The following SMAD6 variants were observed in gnomAD, a reference collection of about 807,000 sequenced individuals.
SMAD6 encodes the protein SMAD family member 6.
A neutral mutation model predicts 39.4 loss-of-function variants in SMAD6; 103 were observed. That is an observed-to-expected ratio of 2.62 (90% CI 2.23 to 3.08). The LOEUF (loss-of-function observed/expected upper bound fraction) is 3.08, where lower values mean the gene tolerates loss of function less well. Among genes scored for constraint, SMAD6 ranks in the 30% most tolerant of loss-of-function variants. The probability of loss-of-function intolerance (pLI) is 0.00; values close to 1 mark genes in which losing one functional copy is unlikely to be tolerated. For synonymous variants in SMAD6, 445 were observed against 353.3 expected (o/e 1.26, Z -2.91); for missense variants, 1,104 against 742.9 (o/e 1.49, Z -5.65).
intron 3 of SMAD6, among the ~76,000 whole-genome samples, chr15:66,767,294 C>T (rs1894304456): frequency 6.6e-6 from 1 of 152,198 alleles, no homozygotes; most frequent in Non-Finnish European, 1.5e-5. Flanking sequence ...GAACTGCCTT[C>T]TTGGCATGGG....
chr15:66,780,972 G>T, intron 3 of SMAD6, 25 bp from the exon 4 acceptor site: 1 of 1,527,900 alleles, frequency 6.5e-7, no homozygotes, highest in Non-Finnish European at 8.8e-7. Context: ...AGAATAACGC[G>T]GCGGTCCCTG....
chr15:66,774,226 G>A (rs1456428080), intron 3 of SMAD6, among the ~76,000 whole-genome samples: 5 of 152,194 alleles, frequency 3.3e-5, no homozygotes, highest in South Asian at 2.1e-4. Context: ...TGCAGCCCAC[G>A]GGGGAGCACA....
chr15:66,705,510 T>C (rs909732162), intron 1 of SMAD6: 1 of 151,504 alleles, frequency 6.6e-6, no homozygotes, highest in African/African-American at 2.4e-5. Flanking sequence ...GCCAACTGAC[T>C]CCCCACTGCC....
chr15:66,771,583 C>T (rs1190143770), intron 3 of SMAD6, among the ~76,000 whole-genome samples: 3 of 152,122 alleles, frequency 2.0e-5, no homozygotes, highest in Non-Finnish European at 4.4e-5. Flanking sequence ...ACCCCTCCTG[C>T]GACTGGGGGA....
At chr15:66,751,166 ATTC>A (rs1893999277) in intron 3 of SMAD6, among the ~76,000 whole-genome samples, 3 of 152,150 alleles carry the variant, frequency 2.0e-5, no homozygotes, top group African/African-American at 7.2e-5. Flanking sequence ...GTTGAGCCTT[ATTC>A]TGCAGGAAGT....
rs779599084 is a variant in SMAD6 at position 66,781,285 on chromosome 15, C to A, written c.1241C>A (p.Ser414Tyr). ...GGCGAGCACCCCATCTTCGTCAACT[C>A]CCCGACGCTGGACGCGCCCGGCGGC... ...NRGEHPIFVN[S>Y]PTLDAPGGRA... Residue 414 changes from serine to tyrosine, a missense_variant, in exon 4 of 4, where the codon TCC (serine) becomes TAC (tyrosine). Physicochemically the swap from Ser to Tyr is moderately radical, Grantham distance 144. Transcript: ENST00000288840. The A allele has an allele frequency of 1.9e-6, 3 of 1,605,630 alleles. No individual in the cohort carries two copies. Among genetic ancestry groups the A allele is most frequent in the African/African-American group, 1.3e-5 (1 of 74,962 alleles).
intron 3 of SMAD6, among the ~76,000 whole-genome samples, chr15:66,736,001 T>C (rs1893706450): frequency 2.0e-5 from 3 of 152,216 alleles, no homozygotes; most frequent in African/African-American, 7.2e-5. Flanking sequence ...CTTTTGGTGA[T>C]GCTTGAAATT....
At chr15:66,722,843 C>T (rs1328873200) in intron 3 of SMAD6, among the ~76,000 whole-genome samples, 7 of 152,120 alleles carry the variant, frequency 4.6e-5, no homozygotes. Context: ...GAGGGCCCAG[C>T]CAACCTGTGT....
intron 3 of SMAD6, among the ~76,000 whole-genome samples, chr15:66,723,402 C>T (rs943378115): frequency 3.9e-5 from 6 of 152,188 alleles, no homozygotes; most frequent in Non-Finnish European, 5.9e-5. Flanking sequence ...TCAGAACTTA[C>T]TGCAGCTGGG....
chr15:66,738,439 G>C (rs761629788), intron 3 of SMAD6, among the ~76,000 whole-genome samples: 1 of 152,198 alleles, frequency 6.6e-6, no homozygotes, highest in Non-Finnish European at 1.5e-5. Flanking sequence ...GTTGTGAGAG[G>C]AGTGTCAACG....
chr15:66,750,107 A>G (rs1001574967), intron 3 of SMAD6, among the ~76,000 whole-genome samples: 19 of 151,844 alleles, frequency 1.3e-4, no homozygotes, highest in African/African-American at 3.4e-4. Flanking sequence ...GCTGTGGGGG[A>G]CGCAGGGGGC....
intron 3 of SMAD6, among the ~76,000 whole-genome samples, chr15:66,752,955 G>C (rs953163203): frequency 2.0e-5 from 3 of 152,192 alleles, no homozygotes; most frequent in Non-Finnish European, 4.4e-5. Context: ...AGAAGGTACA[G>C]GGGGACAAGG....
In SMAD6 at chr15:66,722,950, T is replaced by C. The variant is rs550676978; in HGVS notation, c.952+6452T>C. On this transcript the variant is annotated intron_variant, in intron 3 of 3. Coordinates refer to ENST00000288840, the MANE Select transcript of SMAD6 (RefSeq NM_005585.5). The stretch of plus-strand genomic sequence containing the variant: ...TGCCATGTGACCACAGGCAAATTCC[T>C]CACCTCTCTAGTCTCAGTTTGCTCA... Among the ~76,000 whole-genome samples the C allele has an allele frequency of 3.7e-4, 56 of 152,238 alleles. No individual in the cohort carries two copies. In the South Asian group the frequency reaches 0.011, roughly 31 times the overall value.
chr15:66,732,613 T>C (rs2439387), intron 3 of SMAD6, among the ~76,000 whole-genome samples: 108,393 of 152,062 alleles, frequency 0.71, 38,660 homozygotes, highest in East Asian at 0.84. Context: ...CCTCCTGTCT[T>C]GGCCTCCCAT....
In SMAD6 at chr15:66,753,661, T is replaced by C. The variant is rs557969362; in HGVS notation, c.953-27336T>C. On this transcript the variant is annotated intron_variant, in intron 3 of 3. Coordinates refer to ENST00000288840, the MANE Select transcript of SMAD6 (RefSeq NM_005585.5). ...CCATGGTAGGAGGGCCAACGGGATC[T>C]AATACTTGCTCCCCACCTTGCGCAC... is the stretch of plus-strand genomic sequence containing the variant. 2.6e-5 allele frequency among the ~76,000 whole-genome samples: 4 copies of C among 152,364 alleles called. No homozygotes were observed. In the South Asian group the frequency reaches 8.3e-4, roughly 32 times the overall value.
chr15:66,774,954 C>A (rs377459501), intron 3 of SMAD6, among the ~76,000 whole-genome samples: 11 of 152,016 alleles, frequency 7.2e-5, no homozygotes, highest in African/African-American at 2.7e-4. Flanking sequence ...GTCCGCCTCC[C>A]GGGTTCTAGC....
At chr15:66,721,200 A>C (rs1390808896) in intron 3 of SMAD6, among the ~76,000 whole-genome samples, 2 of 149,922 alleles carry the variant, frequency 1.3e-5, no homozygotes, top group African/African-American at 2.4e-5. Context: ...TAGGGTTGCA[A>C]CCCAAGGTGG....
At chr15:66,717,665 G>A in intron 3 of SMAD6, 1 of 352,800 alleles carries the variant, frequency 2.8e-6, no homozygotes. Context: ...CCAAGGCATG[G>A]GAGCTTACAA....
intron 3 of SMAD6, among the ~76,000 whole-genome samples, chr15:66,760,278 C>T (rs1894175760): frequency 6.6e-6 from 1 of 152,148 alleles, no homozygotes; most frequent in Admixed American, 6.5e-5. Context: ...GTGTCTCGGT[C>T]TCCTGGTGCC....
Sources: gnomAD v4.1 joint callset for allele counts (sites outside exome capture counted in the v4.1 genomes callset) on GRCh38, gnomAD v4.1.1 for gene constraint, MANE v1.5 for transcripts, NCBI Gene and HGNC (gene_info 2026-07-23, HGNC 2026-07-21) for gene names.